Variants in CLNK observed in about 807,000 individuals in gnomAD.
CLNK encodes the protein cytokine-dependent hematopoietic cell linker.
A neutral mutation model predicts 68.6 loss-of-function variants in CLNK; 74 were observed. The ratio of observed to expected loss-of-function variants is 1.08; its 90% CI spans 0.89 to 1.31. The LOEUF (loss-of-function observed/expected upper bound fraction) is 1.31. Among genes scored for constraint, CLNK ranks in the 50% most tolerant of loss-of-function variants. The pLI is 0.00. For synonymous variants in CLNK, 198 were observed against 172.2 expected (o/e 1.15, Z -1.17); for missense variants, 553 against 515.3 (o/e 1.07, Z -0.71).
intron 1 of CLNK, among the ~76,000 whole-genome samples, chr4:10,675,453 G>A (rs769455721): frequency 4.6e-5 from 7 of 152,124 alleles, no homozygotes; most frequent in Non-Finnish European, 5.9e-5. Context: ...AATATGTAAT[G>A]CAACAATCGC....
the CLNK span, among the ~76,000 whole-genome samples, chr4:10,699,219 CATATGTGTGT>C: frequency 2.8e-5 from 3 of 108,894 alleles, no homozygotes; most frequent in Admixed American, 1.0e-4. Flanking sequence ...ATACACACCA[CATATGTGTGT>C]GTATACACAC....
At position 10,678,951 on chromosome 4, in the gene CLNK, T is replaced by C. The variant is rs576829394; in HGVS notation, c.-43+5717A>G. Among the ~76,000 whole-genome samples, 12 of 152,272 alleles carry C rather than the reference T, an allele frequency of 7.9e-5. No homozygotes were observed. In the South Asian group the frequency reaches 8.3e-4, roughly 11 times the overall value. On this transcript the variant is annotated intron_variant, in intron 1 of 18. Coordinates refer to ENST00000226951, the MANE Select transcript of CLNK (RefSeq NM_052964.4). The stretch of plus-strand genomic sequence containing the variant: ...TGGCCATACTGCCCAAGGTAATTTA[T>C]AGATTCAATGCCATCCCCATCAAGC...
intron 3 of CLNK, among the ~76,000 whole-genome samples, chr4:10,590,655 G>C (rs1336242241): frequency 6.6e-6 from 1 of 152,164 alleles, no homozygotes; most frequent in Admixed American, 6.5e-5. Context: ...CCTGACATTA[G>C]AAGGCTACTC....
chr4:10,632,042 G>A (rs1367295298), intron 2 of CLNK, among the ~76,000 whole-genome samples: 1 of 152,170 alleles, frequency 6.6e-6, no homozygotes, highest in Non-Finnish European at 1.5e-5. Flanking sequence ...TCTTGTCTAG[G>A]GTGTTTACCT....
chr4:10,563,966 C>T (rs1388848794), intron 7 of CLNK, among the ~76,000 whole-genome samples: 1 of 152,098 alleles, frequency 6.6e-6, no homozygotes, highest in Non-Finnish European at 1.5e-5. Flanking sequence ...AATGTTATGA[C>T]CAATAACTGC....
Position 10,542,271 on chromosome 4 carries a change from G to T in CLNK, c.455C>A (p.Ser152Tyr). 1 of 1,537,070 alleles carries T rather than the reference G, an allele frequency of 6.5e-7. No individual in the cohort carries two copies. The highest frequency in any genetic ancestry group is 8.9e-7 in the Non-Finnish European group (1 of 1,125,388). Residue 152 changes from serine to tyrosine, a missense_variant, in exon 9 of 19, where the codon TCC becomes TAC. Coordinates refer to ENST00000226951, the MANE Select transcript of CLNK (RefSeq NM_052964.4). The part of the protein sequence containing the change: ...VRSQNIKGDA[S>Y]VRKNKIPLPP... Reference sequence around the variant, plus strand: ...TTCTCTTACCTTGTTCTTTCTTACGGATGCATCTCCTAAAACATAAGAGGG... The same window carrying T: ...TTCTCTTACCTTGTTCTTTCTTACGTATGCATCTCCTAAAACATAAGAGGG...
At chr4:10,646,496 T>C (rs1270724755) in intron 2 of CLNK, among the ~76,000 whole-genome samples, 3 of 152,218 alleles carry the variant, frequency 2.0e-5, no homozygotes, top group Non-Finnish European at 4.4e-5. Context: ...TTATCAGCTT[T>C]GGAGCAGATG....
rs183004712 is a variant in CLNK, at chr4:10,528,000, C to A, written c.649+76G>T. On this transcript the variant is annotated intron_variant, in intron 13 of 18. Transcript: ENST00000226951. ...CCAAACAATCAATCCTTTTTAATAA[C>A]CATGAGCACTGTAGATCTAGAAAGA... is the stretch of plus-strand genomic sequence containing the variant. 418 of 776,634 alleles carry A rather than the reference C, an allele frequency of 5.4e-4. 5 individuals are homozygous for A. The South Asian group carries it at 8.6e-3, about 16-fold the overall frequency. 48.1% of individuals were successfully genotyped at this position (776,634 alleles called of 1,614,324 possible).
chr4:10,687,847 G>C (rs1180982063), upstream of CLNK, among the ~76,000 whole-genome samples: 5 of 152,078 alleles, frequency 3.3e-5, no homozygotes, highest in Non-Finnish European at 4.4e-5. Context: ...ATTGCTTCAC[G>C]AGTTCTTGCC....
intron 1 of CLNK, among the ~76,000 whole-genome samples, chr4:10,672,019 G>A (rs1236546729): frequency 6.6e-6 from 1 of 152,106 alleles, no homozygotes; most frequent in Non-Finnish European, 1.5e-5. Context: ...AATACTTAAA[G>A]AGCCCCTAAG....
chr4:10,723,919 A>AGAGACAGAGAGAGAGAG, the CLNK span, among the ~76,000 whole-genome samples: 11 of 148,082 alleles, frequency 7.4e-5, no homozygotes, highest in Admixed American at 2.0e-4. Context: ...AGAGAGAGAG[A>AGAGACAGAGAGAGAGAG]AGGCAGGGCA....
intron 1 of CLNK, among the ~76,000 whole-genome samples, chr4:10,677,884 C>T (rs909636174): frequency 1.4e-5 from 2 of 139,082 alleles, no homozygotes; most frequent in Admixed American, 7.5e-5. Context: ...TTACCAGAAC[C>T]GTATGTAGGG....
At chr4:10,611,526 T>C (rs1232326046) in intron 2 of CLNK, among the ~76,000 whole-genome samples, 1 of 147,734 alleles carries the variant, frequency 6.8e-6, no homozygotes. Flanking sequence ...GTGGACCTTC[T>C]TCTGCAGTCT....
At chr4:10,658,147 C>T (rs1364508070) in intron 2 of CLNK, among the ~76,000 whole-genome samples, 1 of 152,198 alleles carries the variant, frequency 6.6e-6, no homozygotes, top group East Asian at 1.9e-4. Flanking sequence ...TAACCACTCA[C>T]TCCTCTGTGT....
the CLNK span, among the ~76,000 whole-genome samples, chr4:10,724,067 C>A: frequency 1.3e-5 from 2 of 152,074 alleles, no homozygotes; most frequent in Admixed American, 6.6e-5. Context: ...CAAGAGTCGA[C>A]GGGGTTGGGG....
At chr4:10,666,040 T>C (rs555947362) in intron 2 of CLNK, among the ~76,000 whole-genome samples, 1 of 152,180 alleles carries the variant, frequency 6.6e-6, no homozygotes, top group Non-Finnish European at 1.5e-5. Context: ...AAAGAAAATA[T>C]GGCCAGAGAG....
chr4:10,638,141 T>A (rs1473250393), intron 2 of CLNK, among the ~76,000 whole-genome samples: 5 of 152,198 alleles, frequency 3.3e-5, no homozygotes, highest in Non-Finnish European at 5.9e-5. Flanking sequence ...ACATTCAGCC[T>A]GTGTCTGCAC....
At chr4:10,533,567 C>T (rs943182130) in intron 11 of CLNK, among the ~76,000 whole-genome samples, 5 of 152,198 alleles carry the variant, frequency 3.3e-5, no homozygotes, top group Admixed American at 2.0e-4. Context: ...GCAACTGTAC[C>T]AAGGTTCCAC....
At chr4:10,541,043 G>T (rs540220204) in intron 10 of CLNK, among the ~76,000 whole-genome samples, 1 of 151,692 alleles carries the variant, frequency 6.6e-6, no homozygotes, top group African/African-American at 2.4e-5. Flanking sequence ...GGTAAACCCC[G>T]TTTCTACTAA....
Sources: gnomAD v4.1 joint callset for allele counts (sites outside exome capture counted in the v4.1 genomes callset) on GRCh38, gnomAD v4.1.1 for gene constraint, MANE v1.5 for transcripts, NCBI Gene and HGNC (gene_info 2026-07-23, HGNC 2026-07-21) for gene names.